Variants in OTUD7A observed in about 807,000 individuals in gnomAD.
OTUD7A encodes the protein OTU domain-containing protein 7A.
OTUD7A carries 12 observed loss-of-function variants against 65.7 expected under a neutral mutation model. That is an observed-to-expected ratio of 0.18 (90% CI 0.12 to 0.30). The LOEUF (loss-of-function observed/expected upper bound fraction) is 0.30. Among genes scored for constraint, OTUD7A ranks in the 10% least tolerant of loss-of-function variants. The pLI is 1.00. For synonymous variants in OTUD7A, 641 were observed against 586.3 expected, an observed-to-expected ratio of 1.09 and a Z score of -1.35; for missense variants, 1,148 against 1,304.8, an observed-to-expected ratio of 0.88 and a Z score of 1.85.
At chr15:31,735,922 G>A (rs752538495) in intron 1 of OTUD7A, among the ~76,000 whole-genome samples, 1 of 152,204 alleles carries the variant, frequency 6.6e-6, no homozygotes, top group Non-Finnish European at 1.5e-5. Flanking sequence ...GACATGGATG[G>A]AGCTGGAGGC....
At position 31,482,267 on chromosome 15, in the gene OTUD7A, C is replaced by G. The variant is rs1017144036; in HGVS notation, c.*1027G>C. 6.6e-6 allele frequency: 1 copy of G among 152,430 alleles called. No individual in the cohort carries two copies. Among genetic ancestry groups the G allele is most frequent in the Non-Finnish European group, 1.5e-5 (1 of 68,186 alleles). 9.4% of individuals were successfully genotyped at this position (152,430 alleles called of 1,614,324 possible). A position where few individuals can be genotyped will look rare whatever the true frequency, so the allele number is the denominator to read the frequency against. ...GTCCCTTTACCTGGCTGAACCCAGA[C>G]AGATGCAGGTGTGGGGGTGGGCTTC... On this transcript the variant is annotated 3_prime_UTR_variant, in exon 13 of 13. Coordinates refer to ENST00000307050, the MANE Select transcript of OTUD7A (RefSeq NM_001382637.1).
At chr15:31,709,012 A>G (rs2654069) in intron 1 of OTUD7A, among the ~76,000 whole-genome samples, 4,134 of 150,964 alleles carry the variant, frequency 0.027, 279 homozygotes, top group African/African-American at 0.097. Context: ...GATTGTGGGA[A>G]GAGACTAGAC....
chr15:31,817,275 G>GCC (rs71424623), intron 1 of OTUD7A, among the ~76,000 whole-genome samples: 2,739 of 143,552 alleles, frequency 0.019, 41 homozygotes, highest in Admixed American at 0.044. Context: ...TAGATCATTT[G>GCC]CCCCCCCCCA....
chr15:31,768,236 G>A (rs972059906), intron 1 of OTUD7A: 7 of 896,866 alleles, frequency 7.8e-6, no homozygotes, highest in Non-Finnish European at 1.3e-5. Flanking sequence ...CCATGGCAGT[G>A]TAGGTGACAC....
intron 5 of OTUD7A, among the ~76,000 whole-genome samples, chr15:31,549,315 A>G (rs181908496): frequency 7.0e-4 from 106 of 152,286 alleles, no homozygotes; most frequent in Non-Finnish European, 1.0e-3. Flanking sequence ...TGGATCTTTT[A>G]GCATAGAAGA....
chr15:31,528,659 C>T (rs2042047016), intron 6 of OTUD7A, among the ~76,000 whole-genome samples: 1 of 152,242 alleles, frequency 6.6e-6, no homozygotes, highest in African/African-American at 2.4e-5. Context: ...CCCACAGCTC[C>T]TTGGGCAGGT....
intron 9 of OTUD7A, 48 bp downstream of exon 9, chr15:31,503,643 C>T: frequency 6.2e-7 from 1 of 1,612,400 alleles, no homozygotes; most frequent in Non-Finnish European, 8.5e-7. Context: ...AGCTGGGATG[C>T]TATGCTTTCT....
chr15:31,730,285 G>A lies in OTUD7A; in HGVS notation c.-99-73208C>T, dbSNP rs113218896. Reference sequence around the variant, plus strand: ...AGCCACCCAGGCTACAGTATTCTGTGATAGCAGCCCACGGTGCCTGAGAGA... The same window carrying A: ...AGCCACCCAGGCTACAGTATTCTGTAATAGCAGCCCACGGTGCCTGAGAGA... On this transcript the variant is annotated intron_variant, in intron 1 of 12. Coordinates refer to ENST00000307050, the MANE Select transcript of OTUD7A (RefSeq NM_001382637.1). 3.2e-4 allele frequency among the ~76,000 whole-genome samples: 49 copies of A among 152,304 alleles called. 1 individual carries two copies. The highest frequency in any genetic ancestry group is 6.8e-3 in the Middle Eastern group (2 of 294).
chr15:31,527,065 C>T (rs1290698376), intron 7 of OTUD7A, 116 bp downstream of exon 7: 17 of 1,444,078 alleles, frequency 1.2e-5, no homozygotes, highest in Non-Finnish European at 9.3e-7. Flanking sequence ...GGGGCTGTTT[C>T]TGCCTTCCCC....
intron 1 of OTUD7A, among the ~76,000 whole-genome samples, chr15:31,758,419 T>C (rs1240843441): frequency 6.6e-6 from 1 of 152,198 alleles, no homozygotes; most frequent in African/African-American, 2.4e-5. Context: ...TCTGGGCCTT[T>C]GACTCTAAAA....
intron 3 of OTUD7A, among the ~76,000 whole-genome samples, chr15:31,641,172 T>A (rs1389358139): frequency 6.6e-6 from 1 of 151,732 alleles, no homozygotes; most frequent in African/African-American, 2.4e-5. Flanking sequence ...GAAGGTTTTA[T>A]AAGTGTCTGG....
intron 1 of OTUD7A, among the ~76,000 whole-genome samples, chr15:31,799,503 G>A (rs894930349): frequency 1.3e-5 from 2 of 152,092 alleles, no homozygotes; most frequent in Non-Finnish European, 2.9e-5. Flanking sequence ...CCCCATGATA[G>A]GATTAGTGCT....
rs1208703073 is a variant in OTUD7A, at chr15:31,654,779, C to T, written c.151+317G>A. Among the ~76,000 whole-genome samples, 6 of 152,158 alleles carry T rather than the reference C, an allele frequency of 3.9e-5. No individual in the cohort carries two copies. The East Asian group carries it at 1.2e-3, about 29-fold the overall frequency. On this transcript the variant is annotated intron_variant, in intron 3 of 12. Coordinates refer to ENST00000307050, the MANE Select transcript of OTUD7A (RefSeq NM_001382637.1). Reference sequence around the variant, plus strand: ...CTTGCTTGTGAATTACTCCCAGTGGCTTTCCTGGATAGTAGGTGCTTTTTC... The same window carrying T: ...CTTGCTTGTGAATTACTCCCAGTGGTTTTCCTGGATAGTAGGTGCTTTTTC...
chr15:31,823,284 G>A (rs879700200), intron 1 of OTUD7A, among the ~76,000 whole-genome samples: 1 of 152,186 alleles, frequency 6.6e-6, no homozygotes. Flanking sequence ...ATCTTATTAA[G>A]CTGGGCTTCG....
intron 12 of OTUD7A, among the ~76,000 whole-genome samples, chr15:31,486,171 C>T (rs567061882): frequency 6.6e-6 from 1 of 152,322 alleles, no homozygotes; most frequent in African/African-American, 2.4e-5. Flanking sequence ...CCGAGAGCCT[C>T]CTGATTCTAC....
At position 31,559,102 on chromosome 15, in the gene OTUD7A, G is replaced by A. The variant is rs767891129; in HGVS notation, c.417C>T (p.Asn139=). The A allele has an allele frequency of 2.2e-5, 35 of 1,613,106 alleles. No individual in the cohort carries two copies. The highest frequency in any genetic ancestry group is 2.7e-5 in the Non-Finnish European group (32 of 1,179,718). The change falls in exon 5 of 13, where the codon AAC becomes AAT. Residue 139 remains asparagine, a synonymous_variant. Transcript: ENST00000307050. Reference sequence around the variant, plus strand: ...TTGGCATCTCCAGGGGGAACTGCTCGTTGTTGCATTCACTTGCCACGTGGG... The same window carrying A: ...TTGGCATCTCCAGGGGGAACTGCTCATTGTTGCATTCACTTGCCACGTGGG... ...ARSHVASECN[N]EQFPLEMPIY... is the part of the protein sequence containing the mutation.
At chr15:31,746,048 G>A (rs1429639160) in intron 1 of OTUD7A, among the ~76,000 whole-genome samples, 1 of 152,164 alleles carries the variant, frequency 6.6e-6, no homozygotes, top group Non-Finnish European at 1.5e-5. Context: ...TGTTGACAAG[G>A]ATGGGGAGCA....
At chr15:31,729,339 T>A (rs1337281826) in intron 1 of OTUD7A, among the ~76,000 whole-genome samples, 1 of 152,228 alleles carries the variant, frequency 6.6e-6, no homozygotes, top group African/African-American at 2.4e-5. Flanking sequence ...AAGCATGGGC[T>A]GTTAGTCCTG....
At chr15:31,641,721 A>G (rs2141262671) in intron 3 of OTUD7A, among the ~76,000 whole-genome samples, 1 of 152,334 alleles carries the variant, frequency 6.6e-6, no homozygotes, top group Admixed American at 6.5e-5. Context: ...GCAATTATTC[A>G]TTGCAATTGT....
Sources: allele counts gnomAD v4.1 joint callset (sites outside exome capture counted in the v4.1 genomes callset), GRCh38; gene constraint gnomAD v4.1.1; transcripts MANE v1.5; gene names NCBI Gene and HGNC (gene_info 2026-07-23, HGNC 2026-07-21).